The following ZFAND3 variants were observed in gnomAD, a reference collection of about 807,000 sequenced individuals.
The protein encoded by ZFAND3 is AN1-type zinc finger protein 3.
Under a neutral mutation model 29.6 loss-of-function variants are expected in ZFAND3, and 10 were observed. The observed-to-expected ratio is 0.34, with a 90% confidence interval of 0.21 to 0.57. The LOEUF (loss-of-function observed/expected upper bound fraction) is 0.57. ZFAND3 is among the 20% of genes least tolerant of loss of function. The pLI, the probability that ZFAND3 is intolerant of heterozygous loss-of-function variation, is 0.86. For missense variants in ZFAND3, 230 were observed against 304.5 expected (o/e 0.76, Z 1.82); for synonymous variants, 128 against 112.6 (o/e 1.14, Z -0.87).
At chr6:37,982,484 A>C (rs561049364) in intron 2 of ZFAND3, among the ~76,000 whole-genome samples, 1 of 152,332 alleles carries the variant, frequency 6.6e-6, no homozygotes, top group Non-Finnish European at 1.5e-5. Flanking sequence ...CAGACCACAT[A>C]TGCAACAGTG....
intron 1 of ZFAND3, among the ~76,000 whole-genome samples, chr6:37,877,852 A>G (rs550161987): frequency 2.0e-4 from 30 of 152,358 alleles, no homozygotes; most frequent in Non-Finnish European, 4.1e-4. Flanking sequence ...GGTCAAGCTA[A>G]GAAGTCCGAG....
At chr6:38,047,716 C>A (rs1439943205) in intron 2 of ZFAND3, among the ~76,000 whole-genome samples, 1 of 152,174 alleles carries the variant, frequency 6.6e-6, no homozygotes, top group African/African-American at 2.4e-5. Flanking sequence ...TTTCTCTTTT[C>A]CCTTTGCAGT....
intron 1 of ZFAND3, among the ~76,000 whole-genome samples, chr6:37,887,549 T>C (rs1046234996): frequency 6.6e-6 from 1 of 152,232 alleles, no homozygotes; most frequent in African/African-American, 2.4e-5. Context: ...TTGTATTCCC[T>C]GATGGGAAGA....
At chr6:38,115,135 C>CAGTG (rs1765392022) in intron 4 of ZFAND3, among the ~76,000 whole-genome samples, 1 of 152,158 alleles carries the variant, frequency 6.6e-6, no homozygotes, top group African/African-American at 2.4e-5. Flanking sequence ...TATGCCAGTA[C>CAGTG]AGTGCAGCAG....
chr6:38,074,825 G>A (rs1043359564), intron 3 of ZFAND3, among the ~76,000 whole-genome samples: 4 of 152,180 alleles, frequency 2.6e-5, no homozygotes, highest in African/African-American at 9.7e-5. Context: ...GTGACTTTAA[G>A]TGGAAGCCAG....
At chr6:37,974,750 C>G (rs996483023) in intron 2 of ZFAND3, among the ~76,000 whole-genome samples, 6 of 152,094 alleles carry the variant, frequency 3.9e-5, no homozygotes, top group Admixed American at 1.3e-4. Flanking sequence ...TGAGATTCAT[C>G]TATGTTGTTG....
At chr6:37,845,306 T>C (rs1261470706) in intron 1 of ZFAND3, among the ~76,000 whole-genome samples, 2 of 152,234 alleles carry the variant, frequency 1.3e-5, no homozygotes, top group African/African-American at 4.8e-5. Context: ...TAATGTGTTA[T>C]ATACACCCTC....
intron 5 of ZFAND3, among the ~76,000 whole-genome samples, chr6:38,119,829 C>T (rs146273076): frequency 7.2e-5 from 11 of 152,284 alleles, no homozygotes; most frequent in East Asian, 3.9e-4. Context: ...ATTTGTAAGG[C>T]GAGTTCTGAG....
At chr6:38,116,760 C>G in intron 5 of ZFAND3, 21 bp downstream of exon 5, 1 of 1,610,276 alleles carries the variant, frequency 6.2e-7, no homozygotes, top group East Asian at 2.2e-5. Context: ...CCCCCAGTGG[C>G]GTGATGGAGA....
intron 1 of ZFAND3, among the ~76,000 whole-genome samples, chr6:37,881,467 A>T (rs190242398): frequency 6.6e-6 from 1 of 152,182 alleles, no homozygotes; most frequent in East Asian, 1.9e-4. Context: ...TCTGGATTTG[A>T]TGGTCTGTTC....
chr6:38,058,455 ACT>A (rs2127462488), intron 2 of ZFAND3, among the ~76,000 whole-genome samples: 1 of 152,374 alleles, frequency 6.6e-6, no homozygotes, highest in East Asian at 1.9e-4. Flanking sequence ...TACAAATAAC[ACT>A]GAGATAATAA....
intron 5 of ZFAND3, among the ~76,000 whole-genome samples, chr6:38,137,566 G>T (rs1396173670): frequency 1.3e-5 from 2 of 152,180 alleles, no homozygotes; most frequent in Non-Finnish European, 2.9e-5. Flanking sequence ...TGACCTCTTG[G>T]TGCTTTTATT....
chr6:37,990,827 C>A (rs1392023068), intron 2 of ZFAND3, among the ~76,000 whole-genome samples: 4 of 152,156 alleles, frequency 2.6e-5, no homozygotes, highest in Non-Finnish European at 5.9e-5. Context: ...CCAGTTTAAC[C>A]AGCACTCTTC....
intron 5 of ZFAND3, 55 bp from the exon 6 acceptor site, chr6:38,152,180 C>A: frequency 1.4e-6 from 2 of 1,440,432 alleles, no homozygotes; most frequent in Middle Eastern, 2.0e-4. Context: ...TGAGGCTCTG[C>A]GCACTTGGAG....
intron 1 of ZFAND3, among the ~76,000 whole-genome samples, chr6:37,923,042 A>G (rs1473826695): frequency 6.6e-6 from 1 of 152,244 alleles, no homozygotes; most frequent in Non-Finnish European, 1.5e-5. Flanking sequence ...ACTCTTTTGT[A>G]ATCACACTTA....
At chr6:38,067,409 T>G (rs777191035) in intron 3 of ZFAND3, among the ~76,000 whole-genome samples, 20 of 152,230 alleles carry the variant, frequency 1.3e-4, no homozygotes, top group Non-Finnish European at 2.6e-4. Flanking sequence ...ATGATTATCT[T>G]GCCCAAGATC....
chr6:38,078,028 C>T (rs1468317017), intron 3 of ZFAND3, among the ~76,000 whole-genome samples: 1 of 152,172 alleles, frequency 6.6e-6, no homozygotes, highest in Admixed American at 6.5e-5. Flanking sequence ...TTATTTACTT[C>T]TGTTTTTGCA....
At chr6:38,008,726 T>TAA (rs755818052) in intron 2 of ZFAND3, among the ~76,000 whole-genome samples, 1 of 152,128 alleles carries the variant, frequency 6.6e-6, no homozygotes, top group African/African-American at 2.4e-5. Flanking sequence ...TCCCTATCCT[T>TAA]ACGCAGGATT....
chr6:38,142,870 A>G (rs1765992135), intron 5 of ZFAND3: 1 of 154,190 alleles, frequency 6.5e-6, no homozygotes, highest in Admixed American at 6.3e-5. Context: ...GCCTTGAGCC[A>G]TTTTCTCTTA....
Sources: gnomAD v4.1 joint callset for allele counts (sites outside exome capture counted in the v4.1 genomes callset) on GRCh38, gnomAD v4.1.1 for gene constraint, MANE v1.5 for transcripts, NCBI Gene and HGNC (gene_info 2026-07-23, HGNC 2026-07-21) for gene names.